PALS1: variants seen among roughly 807,000 people sequenced by gnomAD.
PALS1 encodes the protein protein associated with LIN7 1, MAGUK p55 family member, also known as protein PALS1.
In PALS1, 31 loss-of-function variants were observed where a neutral mutation model predicts 78.9. The observed-to-expected ratio is 0.39, with a 90% CI of 0.30 to 0.53. The LOEUF (loss-of-function observed/expected upper bound fraction) is 0.53, where lower values mean the gene tolerates loss of function less well. PALS1 is among the 20% of genes least tolerant of loss of function. The pLI, the probability that PALS1 is intolerant of heterozygous loss-of-function variation, is 0.67. For missense variants in PALS1, 704 were observed against 826.5 expected, an observed-to-expected ratio of 0.85 and a Z score of 1.82; for synonymous variants, 276 against 270.9, an observed-to-expected ratio of 1.02 and a Z score of -0.18.
chr14:67,264,851 C>T (rs1234176958), intron 1 of PALS1, among the ~76,000 whole-genome samples: 2 of 152,016 alleles, frequency 1.3e-5, no homozygotes, highest in African/African-American at 4.8e-5. Context: ...GCTGTTAAGT[C>T]TCAAGTTTAC....
At chr14:67,263,751 G>A (rs1005030155) in intron 1 of PALS1, among the ~76,000 whole-genome samples, 1 of 152,172 alleles carries the variant, frequency 6.6e-6, no homozygotes. Flanking sequence ...TAAGTGAGAA[G>A]ATATATAGGA....
intron 4 of PALS1, among the ~76,000 whole-genome samples, chr14:67,297,136 T>C (rs2084867375): frequency 6.6e-6 from 1 of 152,150 alleles, no homozygotes; most frequent in African/African-American, 2.4e-5. Context: ...CAGAAACCAA[T>C]AGCATCTTCC....
In PALS1 at chr14:67,332,869, T is replaced by C. The variant is rs761836236; in HGVS notation, c.1941T>C (p.Asp647=). The C allele has an allele frequency of 8.1e-6, 13 of 1,613,936 alleles. No individual in the cohort carries two copies. The highest frequency in any genetic ancestry group is 1.3e-5 in the African/African-American group (1 of 74,910). ...HYFDTAIVNS[D]LDKAYQELLR... The stretch of plus-strand genomic sequence containing the variant: ...TTGATACGGCAATTGTGAATTCCGA[T>C]CTTGATAAAGCCTATCAGGAATTGC... The change falls in exon 15 of 15, where the codon GAT becomes GAC. Residue 647 remains aspartate, a synonymous_variant. Transcript: ENST00000261681.
chr14:67,262,585 T>G (rs2084255881), intron 1 of PALS1, among the ~76,000 whole-genome samples: 1 of 152,160 alleles, frequency 6.6e-6, no homozygotes, highest in Admixed American at 6.5e-5. Context: ...AATAAAACAT[T>G]GTCTTTATTG....
At chr14:67,252,018 CTGG>C (rs2140446045) in intron 1 of PALS1, among the ~76,000 whole-genome samples, 1 of 152,210 alleles carries the variant, frequency 6.6e-6, no homozygotes, top group East Asian at 1.9e-4. Flanking sequence ...TGCTGGGAGG[CTGG>C]TTTGACTGGA....
Position 67,320,360 on chromosome 14 carries a change from G to A in PALS1, c.1500G>A (p.Met500Ile). ...AGAATGAATTGCGTCAGAGGCTCAT[G>A]AACAAAGAAAAGGACCGCTTTGCAT... The part of the protein sequence containing the change: ...CGQNELRQRL[M>I]NKEKDRFASA... The change falls in exon 12 of 15, where the codon ATG (methionine) becomes ATA (isoleucine). Residue 500 changes from methionine to isoleucine, a missense_variant. Coordinates refer to ENST00000261681, the MANE Select transcript of PALS1 (RefSeq NM_022474.4). The A allele has an allele frequency of 6.2e-7, 1 of 1,611,310 alleles. No homozygotes were observed. Among genetic ancestry groups the A allele is most frequent in the Non-Finnish European group, 8.5e-7 (1 of 1,179,084 alleles).
At chr14:67,291,790 A>G (rs911538144) in intron 3 of PALS1, among the ~76,000 whole-genome samples, 45 of 152,232 alleles carry the variant, frequency 3.0e-4, no homozygotes, top group African/African-American at 1.1e-3. Flanking sequence ...TACTAGTCAA[A>G]TAAATGGAAG....
chr14:67,320,529 A>C (rs2085247440), intron 12 of PALS1, 132 bp downstream of exon 12: 5 of 812,638 alleles, frequency 6.2e-6, no homozygotes, highest in Non-Finnish European at 8.8e-6. Flanking sequence ...ACTTTAACCA[A>C]AGATTTTGAC....
chr14:67,296,707 A>G (rs2084858879), intron 4 of PALS1, among the ~76,000 whole-genome samples: 1 of 151,792 alleles, frequency 6.6e-6, no homozygotes, highest in South Asian at 2.1e-4. Flanking sequence ...AAAAGAATTA[A>G]CTTATATGAA....
chr14:67,328,083 G>C (rs923952240), intron 14 of PALS1, among the ~76,000 whole-genome samples: 1 of 152,194 alleles, frequency 6.6e-6, no homozygotes, highest in African/African-American at 2.4e-5. Flanking sequence ...GGTTGAACTA[G>C]TTTACGGTCC....
chr14:67,260,654 A>AT (rs929985824), intron 1 of PALS1, among the ~76,000 whole-genome samples: 32 of 152,238 alleles, frequency 2.1e-4, no homozygotes, highest in African/African-American at 6.3e-4. Flanking sequence ...TGAAGAGAGG[A>AT]TTTTTTCTTG....
chr14:67,295,258 G>T (rs1360333606), intron 4 of PALS1, among the ~76,000 whole-genome samples: 1 of 151,824 alleles, frequency 6.6e-6, no homozygotes, highest in Non-Finnish European at 1.5e-5. Context: ...GCCAAGGCGG[G>T]TGGATCATTT....
intron 1 of PALS1, among the ~76,000 whole-genome samples, chr14:67,244,865 CAGATGACTTT>C (rs2140403777): frequency 6.6e-6 from 1 of 152,244 alleles, no homozygotes; most frequent in African/African-American, 2.4e-5. Context: ...GGTTGCTAAT[CAGATGACTTT>C]AGGGAGATTA....
At position 67,335,304 on chromosome 14, in the gene PALS1, C is replaced by T. The variant is rs2085512604; in HGVS notation, c.*2348C>T. 1 of 152,186 alleles carries T rather than the reference C, an allele frequency of 6.6e-6. No individual in the cohort carries two copies. Among genetic ancestry groups the T allele is most frequent in the African/African-American group, 2.4e-5 (1 of 41,442 alleles). The allele number at this position is 152,186 out of a possible 1,614,324, so 9.4% of individuals were successfully genotyped here. On this transcript the variant is annotated 3_prime_UTR_variant, in exon 15 of 15. Transcript: ENST00000261681. ...CTCCACAAAAGAATATGGAAAAAAG[C>T]CTTGCTGTACACCTAGTTGTACAGC...
chr14:67,317,298 G>C, intron 10 of PALS1, 110 bp from the exon 11 acceptor site: 1 of 988,462 alleles, frequency 1.0e-6, no homozygotes, highest in South Asian at 1.8e-5. Context: ...TCTCGTTTCT[G>C]CAAAAAAATT....
intron 14 of PALS1, among the ~76,000 whole-genome samples, chr14:67,329,147 CTTGG>C (rs1321491038): frequency 6.6e-6 from 1 of 152,098 alleles, no homozygotes; most frequent in African/African-American, 2.4e-5. Context: ...TCCTCTTTTA[CTTGG>C]TTGAGCAGTG....
chr14:67,327,775 T>G (rs2085381416), intron 14 of PALS1, among the ~76,000 whole-genome samples: 1 of 152,210 alleles, frequency 6.6e-6, no homozygotes, highest in Non-Finnish European at 1.5e-5. Context: ...TTTCTCAGAA[T>G]GATGGTTTCC....
rs964849001 is a variant in PALS1, at chr14:67,302,368, G to T, written c.802-42G>T. 9 of 1,281,998 alleles carry T rather than the reference G, an allele frequency of 7.0e-6. No individual in the cohort carries two copies. The African/African-American group carries it at 1.3e-4, about 18-fold the overall frequency. 79.4% of individuals were successfully genotyped at this position (1,281,998 alleles called of 1,614,324 possible). A position where few individuals can be genotyped will look rare whatever the true frequency, so the allele number is the denominator to read the frequency against. ...TAAAAATAAATGCTTAACAAAAATT[G>T]TATTATTTTTATTTTTAAATTATAC... On this transcript the variant is annotated intron_variant, in intron 6 of 14. Transcript: ENST00000261681.
Position 67,302,034 on chromosome 14 carries a change from TGA to T in PALS1, c.723_724del (p.Arg241SerfsTer3), listed in dbSNP as rs754610172. The stretch of plus-strand genomic sequence containing the variant: ...AAATGCAGCTAGAGCCCATTACAGA[TGA>T]GAGAGTTTATGAAAGTATTGGCCAG... ...QEMQLEPITDERVYESIGQYG... is the reference protein window; with the variant it reads ...QEMQLEPITDXRVYESIGQYG... On this transcript the variant is annotated frameshift_variant, in exon 6 of 15. Coordinates refer to ENST00000261681, the MANE Select transcript of PALS1 (RefSeq NM_022474.4). LOFTEE classifies it high-confidence loss of function. 1.2e-6 allele frequency: 2 copies of T among 1,611,200 alleles called. No homozygotes were observed. The highest frequency in any genetic ancestry group is 1.1e-5 in the South Asian group (1 of 90,794).
Sources: allele counts gnomAD v4.1 joint callset (sites outside exome capture counted in the v4.1 genomes callset), GRCh38; gene constraint gnomAD v4.1.1; transcripts MANE v1.5; gene names NCBI Gene and HGNC (gene_info 2026-07-23, HGNC 2026-07-21).